Variants in RBFOX2 observed in about 807,000 individuals in gnomAD.
RBFOX2 encodes RNA binding fox-1 homolog 2.
In RBFOX2, 10 loss-of-function variants were observed where a neutral mutation model predicts 49.1. That is an observed-to-expected ratio of 0.20 (90% CI 0.13 to 0.35). RBFOX2 has a LOEUF of 0.35. RBFOX2 is among the 10% of genes least tolerant of loss of function. RBFOX2 has a pLI of 1.00. For synonymous variants in RBFOX2, 183 were observed against 187.4 expected (o/e 0.98, Z 0.19); for missense variants, 323 against 486.9 (o/e 0.66, Z 3.17).
intron 1 of RBFOX2, among the ~76,000 whole-genome samples, chr22:35,847,591 C>T (rs529146120): frequency 2.2e-4 from 33 of 152,086 alleles, no homozygotes; most frequent in African/African-American, 7.7e-4. Flanking sequence ...CTGAAAAAAA[C>T]TGTTACTTTA....
At chr22:35,995,161 C>T (rs1050197973) in intron 1 of RBFOX2, 9 of 152,168 alleles carry the variant, frequency 5.9e-5, no homozygotes, top group African/African-American at 2.2e-4. Context: ...CAAAACCAAT[C>T]ATCAGAGTAT....
Position 35,840,127 on chromosome 22 carries a change from C to T in RBFOX2, c.27+65G>A, listed in dbSNP as rs377361940. 7.6e-5 allele frequency: 119 copies of T among 1,571,430 alleles called. No individual in the cohort carries two copies. The South Asian group carries it at 1.2e-3, about 16-fold the overall frequency. On this transcript the variant is annotated intron_variant, in intron 1 of 11. Transcript: ENST00000405409. ...TAAAACTCTTCTTACTATACTCCAC[C>T]CTCAAACCTTTATTTAGATCCCAGA...
At chr22:35,991,471 T>C (rs917823351) in intron 1 of RBFOX2, among the ~76,000 whole-genome samples, 6 of 152,170 alleles carry the variant, frequency 3.9e-5, no homozygotes, top group African/African-American at 1.4e-4. Context: ...GTCCAAAGAA[T>C]TCCTTAACAG....
chr22:35,861,216 T>C (rs1053175717), intron 1 of RBFOX2, among the ~76,000 whole-genome samples: 1 of 152,220 alleles, frequency 6.6e-6, no homozygotes, highest in Non-Finnish European at 1.5e-5. Context: ...ACTGTAAAAC[T>C]TCTAGGAGAA....
At chr22:35,938,823 G>T (rs772232489) in intron 1 of RBFOX2, 24 bp downstream of exon 2, 4 of 1,602,050 alleles carry the variant, frequency 2.5e-6, no homozygotes, top group Admixed American at 3.3e-5. Context: ...TACATCATCT[G>T]AGTTACAAAC....
intron 1 of RBFOX2, among the ~76,000 whole-genome samples, chr22:35,872,963 C>G (rs1001108256): frequency 6.6e-6 from 1 of 152,122 alleles, no homozygotes; most frequent in Non-Finnish European, 1.5e-5. Context: ...GACCCCCTCC[C>G]GTAGCAGTAT....
chr22:36,025,777 C>T (rs1273154155), intron 1 of RBFOX2, among the ~76,000 whole-genome samples: 2 of 152,092 alleles, frequency 1.3e-5, no homozygotes, highest in Non-Finnish European at 2.9e-5. Flanking sequence ...ACCTGTAATC[C>T]CAGCACTTTG....
chr22:36,011,071 A>G (rs1367449172), intron 1 of RBFOX2, among the ~76,000 whole-genome samples: 2 of 152,240 alleles, frequency 1.3e-5, no homozygotes, highest in African/African-American at 2.4e-5. Context: ...CATCTGGTAT[A>G]CAAGATGTCA....
At chr22:35,777,451 G>GT (rs1007961293) in intron 4 of RBFOX2, among the ~76,000 whole-genome samples, 9 of 152,074 alleles carry the variant, frequency 5.9e-5, no homozygotes, top group African/African-American at 2.2e-4. Context: ...TGTGATTTAG[G>GT]TGACTCTACA....
intron 1 of RBFOX2, among the ~76,000 whole-genome samples, chr22:36,020,029 G>A (rs2059182101): frequency 6.6e-6 from 1 of 152,126 alleles, no homozygotes; most frequent in African/African-American, 2.4e-5. Flanking sequence ...AAACAGCATG[G>A]TACTGGTACC....
chr22:35,870,527 A>G (rs1229533240), intron 1 of RBFOX2, among the ~76,000 whole-genome samples: 1 of 152,228 alleles, frequency 6.6e-6, no homozygotes, highest in African/African-American at 2.4e-5. Flanking sequence ...TAATCAAAAT[A>G]CACAGAAGTA....
intron 1 of RBFOX2, among the ~76,000 whole-genome samples, chr22:36,026,253 G>A (rs552163954): frequency 6.8e-6 from 1 of 146,274 alleles, no homozygotes; most frequent in Non-Finnish European, 1.5e-5. Context: ...CTCCAGCCTG[G>A]GCAAAAAAAA....
intron 1 of RBFOX2, among the ~76,000 whole-genome samples, chr22:35,935,842 T>C (rs996632581): frequency 1.3e-5 from 2 of 152,200 alleles, no homozygotes; most frequent in Admixed American, 1.3e-4. Flanking sequence ...ACTTTACCTC[T>C]GTGTGCTTCA....
chr22:35,936,323 G>A lies in RBFOX2; in HGVS notation c.-34+2524C>T, dbSNP rs115409958. On this transcript the variant is annotated intron_variant, in intron 1 of 13. Transcript: ENST00000359369. ...CCATTCCCCAGTTCCTCGATTTGCT[G>A]AGCCAAAACCATGCTGAGGAGACGT... 3.5e-3 allele frequency among the ~76,000 whole-genome samples: 533 copies of A among 151,212 alleles called. 1 individual carries two copies. The highest frequency in any genetic ancestry group is 0.011 in the African/African-American group (473 of 41,214).
chr22:35,758,948 TCTG>T (rs1310576520), intron 9 of RBFOX2, among the ~76,000 whole-genome samples: 3 of 152,194 alleles, frequency 2.0e-5, no homozygotes, highest in Non-Finnish European at 4.4e-5. Flanking sequence ...AACAAGCTTC[TCTG>T]CTGCTACTTA....
chr22:35,963,740 T>TTTG (rs758851168), upstream of RBFOX2, among the ~76,000 whole-genome samples: 33 of 152,214 alleles, frequency 2.2e-4, 1 homozygote, highest in Admixed American at 4.6e-4. Context: ...ATATATTCTT[T>TTTG]TTGTTGTTGT....
chr22:35,832,620 G>A (rs1172348316), intron 1 of RBFOX2, among the ~76,000 whole-genome samples: 2 of 151,978 alleles, frequency 1.3e-5, no homozygotes, highest in Non-Finnish European at 2.9e-5. Context: ...ATCACTTGAG[G>A]TCAGAATTTC....
At chr22:35,802,942 G>C (rs1385469151) in intron 2 of RBFOX2, among the ~76,000 whole-genome samples, 1 of 152,152 alleles carries the variant, frequency 6.6e-6, no homozygotes, top group Non-Finnish European at 1.5e-5. Flanking sequence ...GATCATCAGA[G>C]GGTGAAAGCT....
At chr22:35,750,388 A>C (rs1377395848) in intron 9 of RBFOX2, 1 of 1,510,954 alleles carries the variant, frequency 6.6e-7, no homozygotes. Context: ...TTAATAATAA[A>C]AATTAAAAAG....
Sources: gnomAD v4.1 joint callset for allele counts (sites outside exome capture counted in the v4.1 genomes callset) on GRCh38, gnomAD v4.1.1 for gene constraint, MANE v1.5 for transcripts, NCBI Gene and HGNC (gene_info 2026-07-23, HGNC 2026-07-21) for gene names.